FGF12: variants seen among roughly 807,000 people sequenced by gnomAD.
The protein encoded by FGF12 is fibroblast growth factor 12B.
Under a neutral mutation model 23.6 loss-of-function variants are expected in FGF12, and 14 were observed. That is an observed-to-expected ratio of 0.59 (90% CI 0.39 to 0.93). The LOEUF is 0.93. FGF12 is among the 40% of genes least tolerant of loss of function. The pLI, the probability that FGF12 is intolerant of heterozygous loss-of-function variation, is 0.00. For synonymous variants in FGF12, 62 were observed against 77.3 expected (o/e 0.80, Z 1.04); for missense variants, 175 against 217.8 (o/e 0.80, Z 1.24).
At chr3:192,406,519 T>C (rs1720963966) in intron 2 of FGF12, among the ~76,000 whole-genome samples, 1 of 152,140 alleles carries the variant, frequency 6.6e-6, no homozygotes, top group Non-Finnish European at 1.5e-5. Flanking sequence ...TTCCACTAGG[T>C]GAGTTACTTT....
At chr3:192,342,033 C>A (rs1231800689) in intron 3 of FGF12, among the ~76,000 whole-genome samples, 5 of 151,914 alleles carry the variant, frequency 3.3e-5, no homozygotes, top group Non-Finnish European at 5.9e-5. Flanking sequence ...ACGAACATAA[C>A]AGTTGTGGTC....
intron 2 of FGF12, among the ~76,000 whole-genome samples, chr3:192,646,173 G>C (rs958185210): frequency 3.9e-5 from 6 of 152,024 alleles, no homozygotes; most frequent in Admixed American, 2.0e-4. Flanking sequence ...AGTTCAAAGA[G>C]ATCTACTTAT....
chr3:192,282,535 T>TAA (rs1287676786), intron 4 of FGF12, among the ~76,000 whole-genome samples: 1 of 152,146 alleles, frequency 6.6e-6, no homozygotes, highest in East Asian at 1.9e-4. Context: ...AATCAAAAAG[T>TAA]AAGTATGTAA....
rs140997799 is a variant in FGF12 at position 192,300,113 on chromosome 3, C to G, written c.228+35248G>C. Among the ~76,000 whole-genome samples, 561 of 152,314 alleles carry G rather than the reference C, an allele frequency of 3.7e-3. 6 individuals carry two copies. Among genetic ancestry groups the G allele is most frequent in the Middle Eastern group, 0.024 (7 of 294 alleles). On this transcript the variant is annotated intron_variant, in intron 4 of 5. Coordinates refer to ENST00000445105, the MANE Select transcript of FGF12 (RefSeq NM_004113.6). ...CATAGGGGAGCACAGGCAATCCCTT[C>G]TGCCACCCCTAGGGCATGCTCAGGA...
intron 2 of FGF12, among the ~76,000 whole-genome samples, chr3:192,479,647 C>G (rs958275174): frequency 2.0e-5 from 3 of 152,074 alleles, no homozygotes; most frequent in Non-Finnish European, 4.4e-5. Flanking sequence ...GTCTACTAAC[C>G]TAGTCTGGTT....
chr3:192,650,111 G>A (rs561414451), intron 2 of FGF12, among the ~76,000 whole-genome samples: 13 of 152,324 alleles, frequency 8.5e-5, no homozygotes, highest in African/African-American at 3.1e-4. Context: ...GAGAGTCATG[G>A]GCGAAGCCCC....
At chr3:192,164,052 G>A (rs1367782867) in intron 5 of FGF12, among the ~76,000 whole-genome samples, 4 of 151,924 alleles carry the variant, frequency 2.6e-5, no homozygotes, top group South Asian at 4.1e-4. Flanking sequence ...CAGAAGGGAA[G>A]AACCAGATCC....
chr3:192,241,711 A>G (rs928251675), intron 4 of FGF12, among the ~76,000 whole-genome samples: 7 of 152,150 alleles, frequency 4.6e-5, no homozygotes, highest in African/African-American at 7.2e-5. Context: ...AATTAAATAC[A>G]TCTCCCCTAT....
At chr3:192,428,180 GGA>G (rs767808309) in intron 2 of FGF12, among the ~76,000 whole-genome samples, 5 of 152,174 alleles carry the variant, frequency 3.3e-5, no homozygotes, top group Non-Finnish European at 5.9e-5. Flanking sequence ...TTTTGCCAAA[GGA>G]AAGGCAGCTT....
intron 2 of FGF12, chr3:192,673,151 C>T (rs1717193670): frequency 6.6e-6 from 1 of 150,714 alleles, no homozygotes; most frequent in Non-Finnish European, 1.5e-5. Flanking sequence ...TCCAGGTGAT[C>T]TAACTCCATA....
In FGF12 at chr3:192,409,426, G is replaced by A. The variant is rs1462554429; in HGVS notation, c.14-48888C>T. Among the ~76,000 whole-genome samples the A allele has an allele frequency of 5.3e-5, 8 of 152,198 alleles. No individual in the cohort carries two copies. The East Asian group carries it at 1.5e-3, about 29-fold the overall frequency. On this transcript the variant is annotated intron_variant, in intron 2 of 5. Coordinates refer to ENST00000445105, the MANE Select transcript of FGF12 (RefSeq NM_004113.6). This position sits in a 1 kb window ranked among gnomAD's most constrained non-coding sequence, Gnocchi z 4.8. ...GCGAGGGAAGGGAGGGAAGGAAGGG[G>A]CGCCCTGGCGGGCTCGGGATCAGGT... is the stretch of plus-strand genomic sequence containing the variant.
At chr3:192,288,066 T>TA (rs77626960) in intron 4 of FGF12, among the ~76,000 whole-genome samples, 66,778 of 151,494 alleles carry the variant, frequency 0.44, 15,618 homozygotes, top group East Asian at 0.94. Context: ...GGCTTTAGAA[T>TA]AAAAAAAATC....
chr3:192,487,317 T>C (rs368120377), intron 2 of FGF12, among the ~76,000 whole-genome samples: 4 of 152,170 alleles, frequency 2.6e-5, no homozygotes, highest in Non-Finnish European at 2.9e-5. Flanking sequence ...GTAAAGACTA[T>C]GCCAACTTGA....
chr3:192,551,013 A>T (rs1461549454), intron 2 of FGF12, among the ~76,000 whole-genome samples: 1 of 152,174 alleles, frequency 6.6e-6, no homozygotes, highest in Non-Finnish European at 1.5e-5. Context: ...AAATAAAAAC[A>T]ACACTTCTGC....
intron 2 of FGF12, among the ~76,000 whole-genome samples, chr3:192,401,050 T>A (rs917602500): frequency 1.3e-5 from 2 of 152,326 alleles, no homozygotes; most frequent in African/African-American, 2.4e-5. Context: ...GAAGTTACAA[T>A]GAAATTTTTC....
chr3:192,600,292 A>C (rs1384815035), intron 2 of FGF12, among the ~76,000 whole-genome samples: 1 of 152,080 alleles, frequency 6.6e-6, no homozygotes, highest in African/African-American at 2.4e-5. Context: ...TAGTTACTAC[A>C]GCTTTGTAAT....
intron 2 of FGF12, among the ~76,000 whole-genome samples, chr3:192,617,007 A>G (rs1335700780): frequency 1.3e-5 from 2 of 152,016 alleles, no homozygotes; most frequent in Non-Finnish European, 2.9e-5. Context: ...AGAGAGGTTA[A>G]AAGTATATTT....
chr3:192,618,009 C>A (rs188462762), intron 2 of FGF12, among the ~76,000 whole-genome samples: 1 of 151,818 alleles, frequency 6.6e-6, no homozygotes, highest in East Asian at 1.9e-4. Flanking sequence ...ATCTGTATAC[C>A]CAGGATGGCA....
chr3:192,489,925 C>T (rs1196884164), intron 2 of FGF12, among the ~76,000 whole-genome samples: 5 of 151,982 alleles, frequency 3.3e-5, no homozygotes, highest in Non-Finnish European at 7.4e-5. Context: ...CAACAAACCC[C>T]CATGACACAT....
Sources: allele counts gnomAD v4.1 joint callset (sites outside exome capture counted in the v4.1 genomes callset), GRCh38; gene constraint gnomAD v4.1.1; non-coding constraint Gnocchi (gnomAD v3.1); transcripts MANE v1.5; gene names NCBI Gene and HGNC (gene_info 2026-07-23, HGNC 2026-07-21).